Variants in CPXM2 observed in about 807,000 individuals in gnomAD.
CPXM2 encodes the protein carboxypeptidase X, M14 family member 2.
A neutral mutation model predicts 86.1 loss-of-function variants in CPXM2; 66 were observed. The ratio of observed to expected loss-of-function variants is 0.77; its 90% confidence interval spans 0.63 to 0.94. CPXM2 has a LOEUF of 0.94. Among genes scored for constraint, CPXM2 ranks in the 40% least tolerant of loss-of-function variants. The pLI is 0.00. For synonymous variants in CPXM2, 388 were observed against 400.2 expected, an observed-to-expected ratio of 0.97 and a Z score of 0.36; for missense variants, 948 against 1,026.3, an observed-to-expected ratio of 0.92 and a Z score of 1.04.
At chr10:123,761,507 T>C (rs1846337525) in intron 11 of CPXM2, among the ~76,000 whole-genome samples, 1 of 152,194 alleles carries the variant, frequency 6.6e-6, no homozygotes, top group Non-Finnish European at 1.5e-5. Flanking sequence ...TTTTTGTTGT[T>C]GTCCAATATC....
chr10:123,823,973 T>TA (rs1485932625), intron 4 of CPXM2, among the ~76,000 whole-genome samples: 3 of 152,182 alleles, frequency 2.0e-5, no homozygotes, highest in Non-Finnish European at 4.4e-5. Context: ...AATTTTTAAT[T>TA]AAAAAATCAA....
chr10:123,825,907 C>G (rs1318560754), intron 4 of CPXM2, among the ~76,000 whole-genome samples: 1 of 152,076 alleles, frequency 6.6e-6, no homozygotes, highest in Non-Finnish European at 1.5e-5. Flanking sequence ...ACAGAAACAG[C>G]TCTTCTGGGT....
chr10:123,804,414 T>G (rs1442009495), intron 4 of CPXM2, among the ~76,000 whole-genome samples: 2 of 152,164 alleles, frequency 1.3e-5, no homozygotes, highest in Non-Finnish European at 2.9e-5. Context: ...TAGGTCTTCT[T>G]TTATTTATCT....
Position 123,799,192 on chromosome 10 carries a change from A to G in CPXM2, c.661T>C (p.Trp221Arg), listed in dbSNP as rs200791860. 1 of 1,614,116 alleles carries G rather than the reference A, an allele frequency of 6.2e-7. No individual in the cohort carries two copies. Among genetic ancestry groups the G allele is most frequent in the East Asian group, 2.2e-5 (1 of 44,890 alleles). Reference sequence around the variant, plus strand: ...ACCATGACCTTATAGGATGTCACCCAGTCACTCCTATGAGAAAATAAAACA... The same window carrying G: ...ACCATGACCTTATAGGATGTCACCCGGTCACTCCTATGAGAAAATAAAACA... ...QGRNSLWLSD[W>R]VTSYKVMVSN... Residue 221 changes from tryptophan to arginine, a missense_variant, in exon 5 of 14, where the codon TGG becomes CGG. Trp to Arg is a moderately radical substitution (Grantham distance 101). Coordinates refer to ENST00000241305, the MANE Select transcript of CPXM2 (RefSeq NM_198148.3).
chr10:123,873,817 T>C (rs955633098), intron 2 of CPXM2, among the ~76,000 whole-genome samples: 4 of 151,884 alleles, frequency 2.6e-5, no homozygotes, highest in Admixed American at 6.6e-5. Flanking sequence ...CAAATTGCTG[T>C]ACCAGATTAT....
At chr10:123,892,870 T>G (rs1945297104), upstream of CPXM2, among the ~76,000 whole-genome samples, 1 of 152,226 alleles carries the variant, frequency 6.6e-6, no homozygotes, top group Admixed American at 6.5e-5. Flanking sequence ...TCATGTCTTC[T>G]GCAGGCTCCT....
chr10:123,829,477 A>G (rs1848120317), intron 4 of CPXM2, among the ~76,000 whole-genome samples: 1 of 152,132 alleles, frequency 6.6e-6, no homozygotes, highest in African/African-American at 2.4e-5. Flanking sequence ...ACAAACAACA[A>G]CAACAACAAA....
At chr10:123,940,743 G>A (rs1649614251), upstream of CPXM2, among the ~76,000 whole-genome samples, 1 of 152,208 alleles carries the variant, frequency 6.6e-6, no homozygotes, top group Non-Finnish European at 1.5e-5. Context: ...ATTAGCTCAA[G>A]ATTCCCACAC....
intron 9 of CPXM2, among the ~76,000 whole-genome samples, chr10:123,768,311 T>A (rs1413970688): frequency 6.6e-6 from 1 of 151,534 alleles, no homozygotes; most frequent in African/African-American, 2.4e-5. Flanking sequence ...GAGGCAGAGG[T>A]TGCAGTGAGC....
Position 123,756,559 on chromosome 10 carries a change from A to G in CPXM2, c.1917+654T>C, listed in dbSNP as rs7898159. 7.4e-3 allele frequency among the ~76,000 whole-genome samples: 1,133 copies of G among 152,118 alleles called. 16 individuals are homozygous for G. Among genetic ancestry groups the G allele is most frequent in the African/African-American group, 0.026 (1,085 of 41,482 alleles). ...CTGAAGGCCTGGGAGGGTGTTAGGG[A>G]CTCAGTTGTGTCCCCACCCCACCCC... On this transcript the variant is annotated intron_variant, in intron 12 of 13. Coordinates refer to ENST00000241305, the MANE Select transcript of CPXM2 (RefSeq NM_198148.3).
upstream of CPXM2, among the ~76,000 whole-genome samples, chr10:123,942,399 G>A (rs1264158134): frequency 1.3e-5 from 2 of 152,154 alleles, no homozygotes; most frequent in African/African-American, 2.4e-5. Flanking sequence ...CAAAGACCCC[G>A]CTAATGAAAA....
rs989387945 is a variant in CPXM2 at position 123,891,072 on chromosome 10, A to G, written c.304+284T>C. 6.6e-6 allele frequency among the ~76,000 whole-genome samples: 1 copy of G among 152,224 alleles called. No homozygotes were observed. The highest frequency in any genetic ancestry group is 2.4e-5 in the African/African-American group (1 of 41,468). On this transcript the variant is annotated intron_variant, in intron 1 of 13. Coordinates refer to ENST00000241305, the MANE Select transcript of CPXM2 (RefSeq NM_198148.3). This position sits in a 1 kb window ranked among gnomAD's most constrained non-coding sequence, Gnocchi z 5.6. ...GCTCAGGGGATTTCAAGCTTGAAAC[A>G]AGAACTTTGACTCTCATAGGCAGCC...
At chr10:123,757,862 A>T (rs1397515120) in intron 11 of CPXM2, among the ~76,000 whole-genome samples, 2 of 152,186 alleles carry the variant, frequency 1.3e-5, no homozygotes, top group Non-Finnish European at 2.9e-5. Context: ...CTCTGCAGCC[A>T]TTAGGTTACT....
intron 5 of CPXM2, 112 bp downstream of exon 5, chr10:123,799,003 G>T: frequency 1.6e-6 from 2 of 1,223,798 alleles, no homozygotes; most frequent in Non-Finnish European, 2.4e-6. Flanking sequence ...TGGTAGGTTT[G>T]AGTTGACAGA....
intron 11 of CPXM2, among the ~76,000 whole-genome samples, chr10:123,758,832 T>C (rs1308102289): frequency 1.3e-5 from 2 of 151,720 alleles, no homozygotes; most frequent in African/African-American, 4.8e-5. Context: ...AAAGCAGGAG[T>C]GTTCTGTGCC....
intron 9 of CPXM2, among the ~76,000 whole-genome samples, 198 bp from the exon 10 acceptor site, chr10:123,767,350 C>T (rs1467870140): frequency 6.6e-6 from 1 of 152,136 alleles, no homozygotes; most frequent in Non-Finnish European, 1.5e-5. Context: ...GATAGTTCAG[C>T]CAAATTACTC....
chr10:123,906,643 A>C (rs1945443956), intron 2 of CPXM2, among the ~76,000 whole-genome samples: 1 of 152,242 alleles, frequency 6.6e-6, no homozygotes, highest in South Asian at 2.1e-4. Context: ...AAAAGTAATC[A>C]GAAATAAATA....
chr10:123,878,014 T>G (rs1284351687), intron 2 of CPXM2, among the ~76,000 whole-genome samples: 1 of 152,184 alleles, frequency 6.6e-6, no homozygotes, highest in African/African-American at 2.4e-5. Flanking sequence ...AATGTAGTTG[T>G]CACGTACACC....
At chr10:123,920,790 A>T (rs576721660) in intron 2 of CPXM2, among the ~76,000 whole-genome samples, 2 of 152,248 alleles carry the variant, frequency 1.3e-5, no homozygotes, top group Non-Finnish European at 2.9e-5. Context: ...TTATCTCAGG[A>T]GTGGGTTAGT....
Sources: gnomAD v4.1 joint callset for allele counts (sites outside exome capture counted in the v4.1 genomes callset) on GRCh38, gnomAD v4.1.1 for gene constraint, Gnocchi (gnomAD v3.1) non-coding constraint, MANE v1.5 for transcripts, NCBI Gene and HGNC (gene_info 2026-07-23, HGNC 2026-07-21) for gene names.